KHDRBS2: variants seen among roughly 807,000 people sequenced by gnomAD.
The protein encoded by KHDRBS2 is KH RNA binding domain containing, signal transduction associated 2, also known as KH domain-containing, RNA-binding, signal transduction-associated protein 2.
KHDRBS2 carries 26 observed loss-of-function variants against 44.3 expected under a neutral mutation model. That is an observed-to-expected ratio of 0.59 (90% CI 0.43 to 0.81). The LOEUF is 0.81. Among genes scored for constraint, KHDRBS2 ranks in the 40% least tolerant of loss-of-function variants. The pLI is 0.00. For synonymous variants in KHDRBS2, 194 were observed against 151.1 expected, an observed-to-expected ratio of 1.28 and a Z score of -2.08; for missense variants, 476 against 433.1, an observed-to-expected ratio of 1.10 and a Z score of -0.88.
At chr6:61,911,264 A>T (rs1449084005) in intron 4 of KHDRBS2, among the ~76,000 whole-genome samples, 1 of 152,164 alleles carries the variant, frequency 6.6e-6, no homozygotes, top group Non-Finnish European at 1.5e-5. Flanking sequence ...TTCCTGAAGG[A>T]GTTTTGCTAA....
At chr6:61,636,957 C>T in the KHDRBS2 span, among the ~76,000 whole-genome samples, 2 of 152,050 alleles carry the variant, frequency 1.3e-5, no homozygotes, top group African/African-American at 4.8e-5. Context: ...ATCTAGGTCA[C>T]TATTTGTTGA....
chr6:61,822,452 G>A (rs142606739), intron 6 of KHDRBS2, among the ~76,000 whole-genome samples: 5 of 151,806 alleles, frequency 3.3e-5, no homozygotes, highest in African/African-American at 4.8e-5. Context: ...GTATTAGATC[G>A]CCATTTTCTA....
intron 6 of KHDRBS2, among the ~76,000 whole-genome samples, chr6:61,889,565 A>G (rs1351845408): frequency 2.0e-5 from 2 of 97,640 alleles, no homozygotes; most frequent in East Asian, 7.2e-4. Flanking sequence ...TTAGAATTGA[A>G]CCTCCTCTCA....
At chr6:62,123,416 T>G (rs1479004079) in intron 2 of KHDRBS2, among the ~76,000 whole-genome samples, 1 of 152,204 alleles carries the variant, frequency 6.6e-6, no homozygotes, top group Non-Finnish European at 1.5e-5. Flanking sequence ...ATATACCCAG[T>G]AATGGGATGG....
At position 62,069,021 on chromosome 6, in the gene KHDRBS2, A is replaced by G. The variant is rs116664872; in HGVS notation, c.220-21027T>C. On this transcript the variant is annotated intron_variant, in intron 2 of 8. Transcript: ENST00000281156. ...CATGATTGGCTTGTAAATTTCTGGA[A>G]AAAAGATACTAGGGATTTTGATACA... Among the ~76,000 whole-genome samples, 898 of 151,754 alleles carry G rather than the reference A, an allele frequency of 5.9e-3. 6 individuals carry two copies. The highest frequency in any genetic ancestry group is 8.2e-3 in the Non-Finnish European group (558 of 67,736).
intron 6 of KHDRBS2, among the ~76,000 whole-genome samples, chr6:61,876,199 C>T (rs541619183): frequency 5.3e-4 from 80 of 152,056 alleles, no homozygotes; most frequent in African/African-American, 1.9e-3. Context: ...CTCTAAGTGG[C>T]CTTAATGTCA....
At chr6:62,130,014 C>T (rs933878921) in intron 2 of KHDRBS2, among the ~76,000 whole-genome samples, 2 of 152,080 alleles carry the variant, frequency 1.3e-5, no homozygotes, top group African/African-American at 4.8e-5. Flanking sequence ...TTGTGCATAA[C>T]TACTAATTCC....
chr6:61,652,466 CTT>C, the KHDRBS2 span: 3 of 151,750 alleles, frequency 2.0e-5, no homozygotes, highest in South Asian at 6.2e-4. Flanking sequence ...ATAATTTAAA[CTT>C]ATTCACTTTA....
intron 3 of KHDRBS2, among the ~76,000 whole-genome samples, chr6:62,047,070 G>T (rs1038652556): frequency 6.6e-6 from 1 of 151,740 alleles, no homozygotes; most frequent in Non-Finnish European, 1.5e-5. Context: ...ATTTTCTAAG[G>T]ATTCTCATAC....
chr6:61,958,685 T>C (rs1479222295), intron 4 of KHDRBS2, among the ~76,000 whole-genome samples: 5 of 152,196 alleles, frequency 3.3e-5, no homozygotes, highest in African/African-American at 1.2e-4. Context: ...CTGTCTTAAA[T>C]ATTCTTACTT....
At chr6:61,967,038 T>C (rs1261746789) in intron 4 of KHDRBS2, among the ~76,000 whole-genome samples, 9 of 151,716 alleles carry the variant, frequency 5.9e-5, no homozygotes, top group Admixed American at 4.6e-4. Flanking sequence ...TGTATATTTT[T>C]AACTGAGATA....
intron 4 of KHDRBS2, among the ~76,000 whole-genome samples, chr6:61,947,525 G>A (rs1813614208): frequency 6.6e-6 from 1 of 152,060 alleles, no homozygotes. Context: ...AAACAGAAGT[G>A]GAAGGGCTAA....
At chr6:62,131,892 T>C (rs1810414557) in intron 2 of KHDRBS2, among the ~76,000 whole-genome samples, 1 of 152,214 alleles carries the variant, frequency 6.6e-6, no homozygotes, top group Non-Finnish European at 1.5e-5. Flanking sequence ...GGATGTGTTC[T>C]GAATGAGTAT....
chr6:61,744,067 G>C (rs536532793), intron 6 of KHDRBS2, among the ~76,000 whole-genome samples: 2 of 152,106 alleles, frequency 1.3e-5, no homozygotes, highest in African/African-American at 4.8e-5. Flanking sequence ...CTCTGCTATT[G>C]TGAATAGTGC....
At chr6:62,246,599 C>T (rs190499050) in intron 1 of KHDRBS2, among the ~76,000 whole-genome samples, 1 of 151,922 alleles carries the variant, frequency 6.6e-6, no homozygotes, top group African/African-American at 2.4e-5. Context: ...TAATCAAAGT[C>T]AACTTTAGGA....
intron 6 of KHDRBS2, among the ~76,000 whole-genome samples, chr6:61,890,620 C>A (rs1243589741): frequency 6.6e-6 from 1 of 152,162 alleles, no homozygotes; most frequent in Non-Finnish European, 1.5e-5. Context: ...GACAAAAACA[C>A]CATAGTGACA....
chr6:62,205,113 A>C (rs1002503608), intron 1 of KHDRBS2, among the ~76,000 whole-genome samples: 1 of 152,140 alleles, frequency 6.6e-6, no homozygotes, highest in African/African-American at 2.4e-5. Flanking sequence ...GTGTAACATA[A>C]GCCACTGCAT....
At chr6:61,712,001 T>C (rs1466331932) in intron 7 of KHDRBS2, among the ~76,000 whole-genome samples, 1 of 151,794 alleles carries the variant, frequency 6.6e-6, no homozygotes, top group African/African-American at 2.4e-5. Flanking sequence ...GTTCTAGCTA[T>C]GCAAAGAGCT....
At chr6:62,229,066 A>G (rs1324951441) in intron 1 of KHDRBS2, among the ~76,000 whole-genome samples, 1 of 152,126 alleles carries the variant, frequency 6.6e-6, no homozygotes, top group South Asian at 2.1e-4. Flanking sequence ...GGGGAAACAC[A>G]ATCATCTGGG....
Sources: allele counts gnomAD v4.1 joint callset (sites outside exome capture counted in the v4.1 genomes callset), GRCh38; gene constraint gnomAD v4.1.1; transcripts MANE v1.5; gene names NCBI Gene and HGNC (gene_info 2026-07-23, HGNC 2026-07-21).